Variants in RGS12 observed in about 807,000 individuals in gnomAD.
RGS12 encodes the protein regulator of G-protein signaling 12.
A neutral mutation model predicts 120.1 loss-of-function variants in RGS12; 66 were observed. The ratio of observed to expected loss-of-function variants is 0.55; its 90% CI spans 0.45 to 0.67. The LOEUF is 0.67. RGS12 is among the 30% of genes least tolerant of loss of function. The pLI, the probability that RGS12 is intolerant of heterozygous loss-of-function variation, is 0.00. For missense variants in RGS12, 1,859 were observed against 1,957.7 expected (o/e 0.95, Z 0.95); for synonymous variants, 827 against 804.7 (o/e 1.03, Z -0.47).
chr4:3,414,877 G>A, intron 6 of RGS12, 33 bp downstream of exon 6: 1 of 1,506,424 alleles, frequency 6.6e-7, no homozygotes, highest in Non-Finnish European at 9.2e-7. Flanking sequence ...GGGGCTGTGT[G>A]AGAGTGGCGT....
intron 3 of RGS12, among the ~76,000 whole-genome samples, chr4:3,375,376 CCCTCATCTCCAGCCTCATCTCCAG>C (rs555405354): frequency 2.6e-5 from 2 of 78,280 alleles, no homozygotes; most frequent in African/African-American, 4.6e-5. Flanking sequence ...TCATCTTCAG[CCCTCATCTCCAGCCTCATCTCCAG>C]CCTCATCTCC....
intron 4 of RGS12, chr4:3,413,755 G>A (rs1490001473): frequency 3.5e-6 from 1 of 286,314 alleles, no homozygotes; most frequent in Non-Finnish European, 6.5e-6. Context: ...TGTTGCTTGG[G>A]CGAGTGTGCA....
At chr4:3,364,562 C>T (rs763818505) in intron 3 of RGS12, among the ~76,000 whole-genome samples, 2 of 151,884 alleles carry the variant, frequency 1.3e-5, no homozygotes, top group Non-Finnish European at 2.9e-5. Context: ...GGCTCGTGGC[C>T]CCCGGAAACG....
At chr4:3,330,964 C>G (rs998537676) in intron 2 of RGS12, among the ~76,000 whole-genome samples, 10 of 152,190 alleles carry the variant, frequency 6.6e-5, no homozygotes, top group African/African-American at 2.2e-4. Context: ...GTAGCTTTGC[C>G]TAGTGCAAAG....
At chr4:3,295,264 G>T (rs543031327) in intron 1 of RGS12, among the ~76,000 whole-genome samples, 1 of 152,204 alleles carries the variant, frequency 6.6e-6, no homozygotes, top group Non-Finnish European at 1.5e-5. Context: ...CAGCGCTTCC[G>T]GCTGATAGAA....
intron 3 of RGS12, among the ~76,000 whole-genome samples, chr4:3,369,044 G>C (rs1716689066): frequency 6.6e-6 from 1 of 152,082 alleles, no homozygotes; most frequent in Admixed American, 6.5e-5. Context: ...CCGGTAGCTT[G>C]GGCGGGAGCC....
Position 3,325,816 on chromosome 4 carries a change from C to T in RGS12, c.1881+7765C>T, listed in dbSNP as rs566521969. Among the ~76,000 whole-genome samples the T allele has an allele frequency of 1.6e-3, 244 of 152,226 alleles. 3 individuals carry two copies. Among genetic ancestry groups the T allele is most frequent in the African/African-American group, 5.8e-3 (239 of 41,548 alleles). Reference sequence around the variant, plus strand: ...TACTAGCAAACTGACTCAAGCAGCACATCAAAAAGATAATACGCTATGATG... The same window carrying T: ...TACTAGCAAACTGACTCAAGCAGCATATCAAAAAGATAATACGCTATGATG... On this transcript the variant is annotated intron_variant, in intron 2 of 17. Transcript: ENST00000336727.
chr4:3,394,916 C>T (rs1301283482), intron 4 of RGS12, among the ~76,000 whole-genome samples: 1 of 152,130 alleles, frequency 6.6e-6, no homozygotes, highest in Admixed American at 6.6e-5. Flanking sequence ...CATCTGTAAT[C>T]CCAGCACTTT....
intron 3 of RGS12, among the ~76,000 whole-genome samples, chr4:3,354,249 A>C (rs938827912): frequency 6.6e-6 from 1 of 152,116 alleles, no homozygotes; most frequent in African/African-American, 2.4e-5. Context: ...AATTCCACTT[A>C]TTGGAGGCTC....
chr4:3,414,387 A>G, intron 5 of RGS12, 146 bp downstream of exon 5: 1 of 910,384 alleles, frequency 1.1e-6, no homozygotes, highest in Non-Finnish European at 1.6e-6. Context: ...CTGGACCGCC[A>G]CCCTCTCAAG....
chr4:3,431,450 C>T lies in RGS12; in HGVS notation c.4114+495C>T, dbSNP rs1367251760. The T allele has an allele frequency of 8.1e-6, 8 of 991,902 alleles. No homozygotes were observed. In the African/African-American group the frequency reaches 1.4e-4, roughly 17 times the overall value. 61.4% of individuals were successfully genotyped at this position (991,902 alleles called of 1,614,324 possible). On this transcript the variant is annotated intron_variant, in intron 17 of 17. Coordinates refer to ENST00000336727, the MANE Select transcript of RGS12 (RefSeq NM_001394154.1). ...CCTCGGAAGAGCCTTGAGAGTGCAG[C>T]TCGGACCCACCGGCGGCCCCCGTAG...
intron 7 of RGS12, 152 bp downstream of exon 7, chr4:3,416,273 A>T: frequency 2.3e-6 from 2 of 874,128 alleles, no homozygotes; most frequent in East Asian, 5.4e-5. Context: ...TGGGGCTTTC[A>T]GTAGGGTAGA....
At chr4:3,378,884 A>G (rs1386549671) in intron 3 of RGS12, among the ~76,000 whole-genome samples, 1 of 152,188 alleles carries the variant, frequency 6.6e-6, no homozygotes, top group Admixed American at 6.5e-5. Flanking sequence ...CATATGATCC[A>G]CTACTGGGTA....
intron 3 of RGS12, among the ~76,000 whole-genome samples, chr4:3,359,625 CTTT>C (rs764421876): frequency 3.9e-5 from 5 of 126,972 alleles, no homozygotes; most frequent in Non-Finnish European, 6.7e-5. Context: ...TTTTTCTTTT[CTTT>C]TTTTTTTTTT....
chr4:3,378,379 A>G (rs1717911392), intron 3 of RGS12: 1 of 152,200 alleles, frequency 6.6e-6, no homozygotes, highest in South Asian at 2.1e-4. Context: ...ACATGACACT[A>G]AAAGAACAAG....
upstream of RGS12, among the ~76,000 whole-genome samples, chr4:3,288,193 G>A (rs574044245): frequency 4.7e-4 from 72 of 152,296 alleles, no homozygotes; most frequent in Middle Eastern, 3.4e-3. The surrounding 1 kb of genome is among the most constrained non-coding windows in gnomAD (Gnocchi z 5.2). Context: ...TGATGGGCCC[G>A]GCGGGTGTGT....
intron 1 of RGS12, among the ~76,000 whole-genome samples, chr4:3,310,396 A>G (rs1560647077): frequency 6.6e-6 from 1 of 152,202 alleles, no homozygotes; most frequent in South Asian, 2.1e-4. Flanking sequence ...GCTGCACCCC[A>G]AGAAGGGAAG....
chr4:3,348,645 A>G (rs926985411), intron 3 of RGS12, among the ~76,000 whole-genome samples: 1 of 152,188 alleles, frequency 6.6e-6, no homozygotes, highest in African/African-American at 2.4e-5. Flanking sequence ...ATTCAGACAC[A>G]TCCAGAAAAG....
intron 14 of RGS12, among the ~76,000 whole-genome samples, chr4:3,427,435 G>A (rs1336277562): frequency 2.6e-5 from 4 of 152,374 alleles, no homozygotes; most frequent in African/African-American, 9.6e-5. Flanking sequence ...GGCAAAGGCT[G>A]TATTTGAAAA....
Sources: gnomAD v4.1 joint callset for allele counts (sites outside exome capture counted in the v4.1 genomes callset) on GRCh38, gnomAD v4.1.1 for gene constraint, Gnocchi (gnomAD v3.1) non-coding constraint, MANE v1.5 for transcripts, NCBI Gene and HGNC (gene_info 2026-07-23, HGNC 2026-07-21) for gene names.